POMT2: variants seen among roughly 807,000 people sequenced by gnomAD.
POMT2 encodes protein O-mannosyltransferase 2.
A neutral mutation model predicts 100.0 loss-of-function variants in POMT2; 75 were observed. The observed-to-expected ratio is 0.75, with a 90% CI of 0.62 to 0.91. The LOEUF is 0.91. Among genes scored for constraint, POMT2 ranks in the 40% least tolerant of loss-of-function variants. The probability of loss-of-function intolerance (pLI) is 0.00; values close to 1 mark genes in which losing one functional copy is unlikely to be tolerated. For synonymous variants in POMT2, 378 were observed against 374.1 expected (o/e 1.01, Z -0.12); for missense variants, 940 against 955.1 (o/e 0.98, Z 0.21).
In POMT2 at chr14:77,292,629, A is replaced by T. The variant is rs999689535; in HGVS notation, c.1117-1249T>A. Among the ~76,000 whole-genome samples the T allele has an allele frequency of 3.9e-5, 6 of 152,234 alleles. No homozygotes were observed. The East Asian group carries it at 1.2e-3, about 29-fold the overall frequency. The stretch of plus-strand genomic sequence containing the variant: ...ACCCCAATTGGATAAAATATGACCA[A>T]TTTATAGTCATATGCCACATAAAGA... On this transcript the variant is annotated intron_variant, in intron 9 of 20. Transcript: ENST00000261534.
At chr14:77,283,528 A>G (rs1299986172) in intron 15 of POMT2, among the ~76,000 whole-genome samples, 1 of 152,128 alleles carries the variant, frequency 6.6e-6, no homozygotes, top group Non-Finnish European at 1.5e-5. Flanking sequence ...CCTCCATATG[A>G]TTGTAATAAG....
At position 77,296,235 on chromosome 14, in the gene POMT2, G is replaced by C. The variant is rs141339355; in HGVS notation, c.1045C>G (p.Arg349Gly). The change falls in exon 9 of 21, where the codon CGG (arginine) becomes GGG (glycine). Residue 349 changes from arginine to glycine, a missense_variant. Physicochemically the swap from Arg to Gly is moderately radical, Grantham distance 125. Transcript: ENST00000261534. Reference sequence around the variant, plus strand: ...GAGTGCAGATAGCCGATGGCCATCCGGAGGTTCTTCACAGTGATCACAGAG... The same window carrying C: ...GAGTGCAGATAGCCGATGGCCATCCCGAGGTTCTTCACAGTGATCACAGAG... ...YGSVITVKNL[R>G]MAIGYLHSHR... 4 of 1,608,474 alleles carry C rather than the reference G, an allele frequency of 2.5e-6. No individual in the cohort carries two copies. The highest frequency in any genetic ancestry group is 3.4e-6 in the Non-Finnish European group (4 of 1,177,960).
chr14:77,286,141 AG>A (rs1214346528), intron 12 of POMT2, among the ~76,000 whole-genome samples: 3 of 152,254 alleles, frequency 2.0e-5, no homozygotes, highest in Non-Finnish European at 4.4e-5. Flanking sequence ...GTCTTGACCT[AG>A]CACAATGTGG....
chr14:77,307,239 G>A (rs1226483692), intron 2 of POMT2, among the ~76,000 whole-genome samples: 1 of 152,254 alleles, frequency 6.6e-6, no homozygotes, highest in Admixed American at 6.5e-5. Context: ...GGCTGCTCCA[G>A]CCTGACCCCC....
At chr14:77,286,901 A>G in intron 11 of POMT2, 79 bp from the exon 12 acceptor site, 8 of 1,606,984 alleles carry the variant, frequency 5.0e-6, no homozygotes, top group Non-Finnish European at 6.8e-6. Context: ...AAGGATGTTC[A>G]GAGTCAACTG....
Position 77,285,480 on chromosome 14 carries a change from C to T in POMT2, c.1484+1G>A. ...GGGACAGCAAAACCCTAGAGACTTA[C>T]CACTTGGGCAGAACCTTTCCCGAGG... On this transcript the variant is annotated splice_donor_variant, in intron 13 of 20. Coordinates refer to ENST00000261534, the MANE Select transcript of POMT2 (RefSeq NM_013382.7). LOFTEE classifies it high-confidence loss of function. The T allele has an allele frequency of 2.5e-6, 4 of 1,614,062 alleles. No homozygotes were observed. The highest frequency in any genetic ancestry group is 2.5e-6 in the Non-Finnish European group (3 of 1,179,956).
At chr14:77,319,211 G>T (rs1891741142) in intron 1 of POMT2, among the ~76,000 whole-genome samples, 2 of 152,162 alleles carry the variant, frequency 1.3e-5, no homozygotes, top group African/African-American at 2.4e-5. Flanking sequence ...GTGCCCCCAG[G>T]ACTTATTCAC....
intron 9 of POMT2, among the ~76,000 whole-genome samples, chr14:77,293,754 A>G (rs776302655): frequency 6.6e-6 from 1 of 152,198 alleles, no homozygotes; most frequent in Non-Finnish European, 1.5e-5. Context: ...CACTTTCCCT[A>G]TACCACCATC....
intron 16 of POMT2, 33 bp downstream of exon 16, chr14:77,280,359 T>G (rs188582213): frequency 6.5e-7 from 1 of 1,532,306 alleles, no homozygotes; most frequent in South Asian, 1.1e-5. Context: ...CTTGGCTCCA[T>G]TTCCTGGGAG....
At chr14:77,288,046 T>C (rs540075427) in intron 11 of POMT2, among the ~76,000 whole-genome samples, 51 of 152,230 alleles carry the variant, frequency 3.4e-4, no homozygotes, top group African/African-American at 1.2e-3. Flanking sequence ...GTTCCAAATA[T>C]GGGGAAGGAT....
Position 77,299,537 on chromosome 14 carries a change from C to T in POMT2, c.841G>A (p.Ala281Thr). 1.2e-6 allele frequency: 2 copies of T among 1,614,166 alleles called. No individual in the cohort carries two copies. The change falls in exon 7 of 21, where the codon GCT (alanine) becomes ACT (threonine). Residue 281 changes from alanine (A) to threonine (T), a missense_variant. By Grantham distance (58) the Ala-to-Thr change is moderately conservative. Coordinates refer to ENST00000261534, the MANE Select transcript of POMT2 (RefSeq NM_013382.7). Reference protein sequence around the residue: ...SLVTVGKHLTARVLCLIVLPL... With the variant: ...SLVTVGKHLTTRVLCLIVLPL... ...AGCACTATGAGGCACAGGACACGAGCAGTCAGGTGTTTTCCCACAGTCACC... is the reference window on the plus strand; with the variant it reads ...AGCACTATGAGGCACAGGACACGAGTAGTCAGGTGTTTTCCCACAGTCACC...
In POMT2 at chr14:77,295,631, C is replaced by CA. The variant is rs35870247; in HGVS notation, c.1116+532dup. 6.4e-3 allele frequency among the ~76,000 whole-genome samples: 529 copies of CA among 83,112 alleles called. 4 individuals carry two copies. The highest frequency in any genetic ancestry group is 0.017 in the African/African-American group (378 of 21,874). The allele number at this position is 83,112 out of a possible 152,430, so 54.5% of individuals were successfully genotyped here. On this transcript the variant is annotated intron_variant, in intron 9 of 20. Coordinates refer to ENST00000261534, the MANE Select transcript of POMT2 (RefSeq NM_013382.7). The stretch of plus-strand genomic sequence containing the variant: ...TGGGTGACAGAGCAAGACTCCATCT[C>CA]AAAAAAAAAAAAAAAAAAAAGAAGA...
chr14:77,288,899 T>C (rs1890541080), intron 10 of POMT2, 68 bp from the exon 11 acceptor site: 1 of 1,321,106 alleles, frequency 7.6e-7, no homozygotes, highest in Non-Finnish European at 1.1e-6. Context: ...AAGGGCCTAC[T>C]GGTAAACAGT....
chr14:77,281,659 T>C (rs1467166384), intron 15 of POMT2, among the ~76,000 whole-genome samples: 1 of 152,166 alleles, frequency 6.6e-6, no homozygotes, highest in Non-Finnish European at 1.5e-5. Context: ...GGCCGGAGCT[T>C]CTCCACCTCA....
intron 20 of POMT2, 174 bp downstream of exon 20, chr14:77,278,219 AG>A: frequency 1.6e-6 from 1 of 641,036 alleles, no homozygotes; most frequent in South Asian, 1.7e-5. Flanking sequence ...GCTGCACATT[AG>A]GATCACCTGG....
At chr14:77,319,521 T>C (rs1398225898) in intron 1 of POMT2, 3 of 152,268 alleles carry the variant, frequency 2.0e-5, no homozygotes, top group Non-Finnish European at 4.4e-5. Context: ...CTCATGGTTG[T>C]GTTTGCAGCA....
rs752162387 is a variant in POMT2, at chr14:77,279,899, G to A, written c.1815C>T (p.Ile605=). Residue 605 remains isoleucine (I), a synonymous_variant, in exon 18 of 21, where the codon ATC becomes ATT. Coordinates refer to ENST00000261534, the MANE Select transcript of POMT2 (RefSeq NM_013382.7). ...TGCTCCCTGAGAGGAGGTAGAGGGCGATGCTCAACAGATTCAGCCACCAAA... is the reference window on the plus strand; with the variant it reads ...TGCTCCCTGAGAGGAGGTAGAGGGCAATGCTCAACAGATTCAGCCACCAAA... ...PVVWWLNLLS[I]ALYLLSGSII... is the part of the protein sequence containing the mutation. 8 of 1,613,984 alleles carry A rather than the reference G, an allele frequency of 5.0e-6. No individual in the cohort carries two copies. Among genetic ancestry groups the A allele is most frequent in the African/African-American group, 4.0e-5 (3 of 74,910 alleles).
At chr14:77,303,413 C>G (rs1891122685) in intron 4 of POMT2, among the ~76,000 whole-genome samples, 1 of 152,128 alleles carries the variant, frequency 6.6e-6, no homozygotes, top group Non-Finnish European at 1.5e-5. Flanking sequence ...TGTCATGCCC[C>G]TGCTTAAACC....
chr14:77,320,159 A>G, intron 1 of POMT2: 1 of 584,248 alleles, frequency 1.7e-6, no homozygotes, highest in South Asian at 2.1e-5. Flanking sequence ...AAAAGCCACA[A>G]TTTGCAAGCC....
Sources: gnomAD v4.1 joint callset for allele counts (sites outside exome capture counted in the v4.1 genomes callset) on GRCh38, gnomAD v4.1.1 for gene constraint, MANE v1.5 for transcripts, NCBI Gene and HGNC (gene_info 2026-07-23, HGNC 2026-07-21) for gene names.